The following STXBP5L variants were observed in gnomAD, a reference collection of about 807,000 sequenced individuals.
STXBP5L encodes syntaxin-binding protein 5-like.
Under a neutral mutation model 144.5 loss-of-function variants are expected in STXBP5L, and 65 were observed. That is an observed-to-expected ratio of 0.45 (90% CI 0.37 to 0.55). The LOEUF is 0.55. STXBP5L is among the 20% of genes least tolerant of loss of function. STXBP5L has a pLI of 0.00. For synonymous variants in STXBP5L, 505 were observed against 469.6 expected (o/e 1.08, Z -0.97); for missense variants, 1,298 against 1,405.5 (o/e 0.92, Z 1.22).
chr3:121,221,028 T>C (rs982201560), intron 10 of STXBP5L, among the ~76,000 whole-genome samples: 3 of 151,982 alleles, frequency 2.0e-5, no homozygotes, highest in Non-Finnish European at 4.4e-5. Flanking sequence ...TGGAGTCTGG[T>C]AGATCTCAAT....
At chr3:121,004,688 T>A (rs1227726002) in intron 3 of STXBP5L, among the ~76,000 whole-genome samples, 1 of 152,182 alleles carries the variant, frequency 6.6e-6, no homozygotes, top group Admixed American at 6.6e-5. Context: ...GCTGTGGGTT[T>A]GTCATAGATA....
chr3:121,119,196 C>T (rs1036090699), intron 6 of STXBP5L, among the ~76,000 whole-genome samples: 1 of 151,478 alleles, frequency 6.6e-6, no homozygotes, highest in Admixed American at 6.6e-5. Flanking sequence ...AAAATTTGGA[C>T]TTTTTGGTGA....
At chr3:121,342,191 C>A (rs147056510) in intron 20 of STXBP5L, among the ~76,000 whole-genome samples, 1 of 151,840 alleles carries the variant, frequency 6.6e-6, no homozygotes, top group African/African-American at 2.4e-5. Flanking sequence ...CAGTTCAAAC[C>A]CTTGCTGTTC....
chr3:121,223,676 A>G (rs551976510), intron 11 of STXBP5L, among the ~76,000 whole-genome samples: 78 of 152,222 alleles, frequency 5.1e-4, no homozygotes, highest in Non-Finnish European at 1.0e-3. Flanking sequence ...AATAGTCAGA[A>G]GGGACTTTGG....
chr3:121,212,404 AG>A (rs1466044819), intron 10 of STXBP5L, among the ~76,000 whole-genome samples: 1 of 152,160 alleles, frequency 6.6e-6, no homozygotes, highest in Non-Finnish European at 1.5e-5. Flanking sequence ...GGTATAAGGA[AG>A]GGGTCCAGTT....
intron 14 of STXBP5L, among the ~76,000 whole-genome samples, chr3:121,245,167 A>G (rs2049804529): frequency 6.6e-6 from 1 of 152,120 alleles, no homozygotes; most frequent in African/African-American, 2.4e-5. Flanking sequence ...TGTGACATCA[A>G]TAACATGAAG....
At chr3:121,067,704 C>T (rs544708338) in intron 5 of STXBP5L, among the ~76,000 whole-genome samples, 3 of 151,994 alleles carry the variant, frequency 2.0e-5, no homozygotes, top group South Asian at 4.1e-4. Context: ...AAGAGAGGAC[C>T]GTTAAAAGCT....
At chr3:121,394,470 C>A (rs969339444) in intron 22 of STXBP5L, among the ~76,000 whole-genome samples, 4 of 151,672 alleles carry the variant, frequency 2.6e-5, no homozygotes, top group East Asian at 3.9e-4. Flanking sequence ...AAGTATACAT[C>A]CTTATCTTGT....
At chr3:121,350,545 G>C (rs1042534754) in intron 20 of STXBP5L, among the ~76,000 whole-genome samples, 1 of 152,116 alleles carries the variant, frequency 6.6e-6, no homozygotes, top group Non-Finnish European at 1.5e-5. Context: ...ATAATATTCT[G>C]CAGAGTGTTT....
intron 3 of STXBP5L, among the ~76,000 whole-genome samples, chr3:120,976,852 G>A (rs899920476): frequency 4.6e-5 from 7 of 152,104 alleles, no homozygotes; most frequent in South Asian, 2.1e-4. Context: ...TAGTTGAGCG[G>A]TTTTGAGTGA....
chr3:121,021,321 G>A (rs1330947522), intron 3 of STXBP5L, among the ~76,000 whole-genome samples: 2 of 152,042 alleles, frequency 1.3e-5, no homozygotes, highest in Non-Finnish European at 2.9e-5. Flanking sequence ...TAATAGTGTG[G>A]GACTTTAATA....
intron 5 of STXBP5L, among the ~76,000 whole-genome samples, chr3:121,084,393 G>T (rs2042391374): frequency 6.6e-6 from 1 of 151,932 alleles, no homozygotes; most frequent in African/African-American, 2.4e-5. Context: ...AGTGTGTGTT[G>T]TTCCCCTCCT....
intron 20 of STXBP5L, among the ~76,000 whole-genome samples, chr3:121,348,638 T>A (rs1319645762): frequency 6.6e-6 from 1 of 152,068 alleles, no homozygotes; most frequent in Non-Finnish European, 1.5e-5. Context: ...TTTCAAAGCC[T>A]GTTATTGGTC....
chr3:120,957,841 T>G (rs546452129), intron 3 of STXBP5L, among the ~76,000 whole-genome samples: 2 of 152,076 alleles, frequency 1.3e-5, no homozygotes, highest in East Asian at 3.9e-4. Context: ...ACATCACAAT[T>G]AAAAGAACTA....
intron 3 of STXBP5L, among the ~76,000 whole-genome samples, chr3:121,026,629 C>T (rs1331964422): frequency 1.3e-5 from 2 of 151,866 alleles, no homozygotes; most frequent in Non-Finnish European, 2.9e-5. Context: ...GTTTGATGAA[C>T]ATAGGGCAAA....
intron 5 of STXBP5L, among the ~76,000 whole-genome samples, chr3:121,064,680 G>A (rs1013408020): frequency 3.3e-5 from 5 of 151,996 alleles, no homozygotes; most frequent in Non-Finnish European, 7.4e-5. Flanking sequence ...AGATTTTTTT[G>A]TAGAGATGTT....
intron 3 of STXBP5L, among the ~76,000 whole-genome samples, chr3:120,977,196 C>T (rs560911990): frequency 1.3e-5 from 2 of 152,162 alleles, no homozygotes; most frequent in Non-Finnish European, 2.9e-5. Context: ...CTTTGTAGGT[C>T]AGTAAGGACT....
At chr3:121,079,705 T>C (rs1032976762) in intron 5 of STXBP5L, among the ~76,000 whole-genome samples, 16 of 152,228 alleles carry the variant, frequency 1.1e-4, no homozygotes, top group African/African-American at 3.9e-4. Context: ...GATATGATTT[T>C]GATTTTCTTA....
intron 20 of STXBP5L, among the ~76,000 whole-genome samples, chr3:121,329,715 G>A (rs981131093): frequency 6.6e-6 from 1 of 152,056 alleles, no homozygotes; most frequent in Non-Finnish European, 1.5e-5. Flanking sequence ...ACAAAAATTA[G>A]CCAGGCATGG....
Sources: gnomAD v4.1 joint callset for allele counts (sites outside exome capture counted in the v4.1 genomes callset) on GRCh38, gnomAD v4.1.1 for gene constraint, MANE v1.5 for transcripts, NCBI Gene and HGNC (gene_info 2026-07-23, HGNC 2026-07-21) for gene names.